The following KMT2C variants were observed in gnomAD, a reference collection of about 807,000 sequenced individuals.
KMT2C encodes lysine methyltransferase 2C, also known as histone-lysine N-methyltransferase 2C.
Under a neutral mutation model 507.9 loss-of-function variants are expected in KMT2C, and 88 were observed. The observed-to-expected ratio is 0.17, with a 90% CI of 0.15 to 0.21. The LOEUF is 0.21. Ranked by LOEUF, KMT2C falls within the 10% of genes least tolerant of loss-of-function variation. The probability of loss-of-function intolerance (pLI) is 1.00; values close to 1 mark genes in which losing one functional copy is unlikely to be tolerated. For missense variants in KMT2C, 4,954 were observed against 5,957.8 expected, an observed-to-expected ratio of 0.83 and a Z score of 5.55; for synonymous variants, 2,049 against 2,080.8, an observed-to-expected ratio of 0.98 and a Z score of 0.42.
intron 27 of KMT2C, among the ~76,000 whole-genome samples, chr7:152,197,699 A>C (rs907997807): frequency 1.3e-5 from 2 of 152,124 alleles, no homozygotes; most frequent in African/African-American, 2.4e-5. Context: ...CCCTACCTAA[A>C]GGATTTTATA....
chr7:152,155,862 T>C (rs774253420), intron 46 of KMT2C, 48 bp downstream of exon 46: 1 of 1,535,026 alleles, frequency 6.5e-7, no homozygotes, highest in Non-Finnish European at 8.8e-7. Context: ...TTATTTTTTT[T>C]AAAAGAAGAA....
intron 1 of KMT2C, among the ~76,000 whole-genome samples, chr7:152,399,737 T>TA (rs1051788194): frequency 6.1e-5 from 9 of 148,408 alleles, no homozygotes; most frequent in South Asian, 4.3e-4. Context: ...CAACAAAATT[T>TA]AAAAAAAAAA....
intron 23 of KMT2C, among the ~76,000 whole-genome samples, chr7:152,208,170 T>C (rs1041892886): frequency 3.9e-5 from 6 of 152,192 alleles, no homozygotes; most frequent in African/African-American, 1.2e-4. Flanking sequence ...GTCTTCCCAA[T>C]GCCCTCAAAA....
chr7:152,395,921 T>C (rs2097535593), intron 1 of KMT2C, among the ~76,000 whole-genome samples: 1 of 152,258 alleles, frequency 6.6e-6, no homozygotes, highest in South Asian at 2.1e-4. Context: ...TATTAGTTGA[T>C]GCTGATAAAG....
At chr7:152,395,610 T>C (rs559410337) in intron 1 of KMT2C, among the ~76,000 whole-genome samples, 2 of 152,130 alleles carry the variant, frequency 1.3e-5, no homozygotes, top group Admixed American at 6.5e-5. Flanking sequence ...TGGGTTCAAG[T>C]GATTCTCCTG....
At chr7:152,151,903 T>G (rs1485914844) in intron 49 of KMT2C, among the ~76,000 whole-genome samples, 1 of 152,216 alleles carries the variant, frequency 6.6e-6, no homozygotes, top group African/African-American at 2.4e-5. Context: ...CAGATATTAC[T>G]TTTGCTTGCA....
At chr7:152,255,113 A>ATATATATG (rs2095627675) in intron 9 of KMT2C, among the ~76,000 whole-genome samples, 1 of 86,798 alleles carries the variant, frequency 1.2e-5, no homozygotes, top group Non-Finnish European at 1.9e-5. Context: ...TCTCACTTAT[A>ATATATATG]TATATATATA....
At chr7:152,430,102 C>T (rs1386698776) in intron 1 of KMT2C, among the ~76,000 whole-genome samples, 1 of 150,102 alleles carries the variant, frequency 6.7e-6, no homozygotes, top group Non-Finnish European at 1.5e-5. Context: ...CGCTTGAATC[C>T]GGAGGGCGGC....
At chr7:152,215,727 C>T (rs71534910) in intron 23 of KMT2C, among the ~76,000 whole-genome samples, 6,786 of 129,242 alleles carry the variant, frequency 0.053, 516 homozygotes, top group African/African-American at 0.15. Context: ...TATATATACA[C>T]ACACACACAC....
intron 6 of KMT2C, among the ~76,000 whole-genome samples, chr7:152,275,768 A>G (rs1393965222): frequency 6.6e-6 from 1 of 152,228 alleles, no homozygotes. Context: ...TGTCGAAAGG[A>G]AAAGTACAAT....
intron 1 of KMT2C, among the ~76,000 whole-genome samples, chr7:152,408,326 T>C (rs2051587333): frequency 6.6e-6 from 1 of 152,228 alleles, no homozygotes; most frequent in Non-Finnish European, 1.5e-5. Context: ...AGGTGGATTT[T>C]GTACTCTGAA....
At chr7:152,378,258 A>C (rs2097344038) in intron 1 of KMT2C, among the ~76,000 whole-genome samples, 1 of 152,200 alleles carries the variant, frequency 6.6e-6, no homozygotes, top group African/African-American at 2.4e-5. Flanking sequence ...GCTACAGAGA[A>C]ATCTTTCATG....
chr7:152,220,077 C>T (rs1465407424), intron 23 of KMT2C: 2 of 158,802 alleles, frequency 1.3e-5, no homozygotes, highest in Non-Finnish European at 2.8e-5. Flanking sequence ...GTTTATAAAC[C>T]AATACTTTAT....
chr7:152,199,213 A>G, intron 27 of KMT2C, 66 bp downstream of exon 27: 1 of 1,311,746 alleles, frequency 7.6e-7, no homozygotes. Context: ...TTTCAAAAAG[A>G]TTTAACTGAA....
intron 7 of KMT2C, among the ~76,000 whole-genome samples, chr7:152,272,366 G>C (rs1340260309): frequency 6.6e-6 from 1 of 152,142 alleles, no homozygotes; most frequent in Non-Finnish European, 1.5e-5. Flanking sequence ...GTAAAAGTTT[G>C]CATGTTGTTT....
intron 1 of KMT2C, among the ~76,000 whole-genome samples, chr7:152,394,838 C>T (rs1429466251): frequency 6.6e-6 from 1 of 152,148 alleles, no homozygotes; most frequent in Non-Finnish European, 1.5e-5. Flanking sequence ...CGACAACAAG[C>T]TGAGTATAAA....
chr7:152,287,698 T>C (rs2129184315), intron 6 of KMT2C, among the ~76,000 whole-genome samples: 1 of 152,248 alleles, frequency 6.6e-6, no homozygotes. Flanking sequence ...TAATTATCTA[T>C]CAAAGATTTT....
chr7:152,357,400 T>C (rs1398818801), intron 2 of KMT2C, among the ~76,000 whole-genome samples: 1 of 152,018 alleles, frequency 6.6e-6, no homozygotes, highest in African/African-American at 2.4e-5. Flanking sequence ...GGCGGGCGCC[T>C]GTAGTCTCAG....
chr7:152,319,771 G>C (rs2096755235), intron 3 of KMT2C, among the ~76,000 whole-genome samples: 1 of 152,070 alleles, frequency 6.6e-6, no homozygotes, highest in Admixed American at 6.5e-5. Flanking sequence ...GAAAATTAGT[G>C]AAAGTACTAA....
Sources: allele counts gnomAD v4.1 joint callset (sites outside exome capture counted in the v4.1 genomes callset), GRCh38; gene constraint gnomAD v4.1.1; transcripts MANE v1.5; gene names NCBI Gene and HGNC (gene_info 2026-07-23, HGNC 2026-07-21).